The following SGCZ variants were observed in gnomAD, a reference collection of about 807,000 sequenced individuals.
SGCZ encodes sarcoglycan zeta.
SGCZ carries 40 observed loss-of-function variants against 41.3 expected under a neutral mutation model. That is an observed-to-expected ratio of 0.97 (90% CI 0.75 to 1.26). The LOEUF (loss-of-function observed/expected upper bound fraction) is 1.26. SGCZ is among the 50% of genes most tolerant of loss of function. SGCZ has a pLI of 0.00. For missense variants in SGCZ, 552 were observed against 369.8 expected, an observed-to-expected ratio of 1.49 and a Z score of -4.04; for synonymous variants, 206 against 137.5, an observed-to-expected ratio of 1.50 and a Z score of -3.49.
At chr8:15,012,762 T>C (rs1397623933) in intron 1 of SGCZ, among the ~76,000 whole-genome samples, 2 of 148,118 alleles carry the variant, frequency 1.4e-5, no homozygotes, top group African/African-American at 2.5e-5. Flanking sequence ...TATGTTTATA[T>C]ATAAATGTAG....
At chr8:14,687,408 T>C (rs1354837295) in intron 1 of SGCZ, among the ~76,000 whole-genome samples, 9 of 149,186 alleles carry the variant, frequency 6.0e-5, no homozygotes, top group Non-Finnish European at 1.3e-4. Context: ...TGTGTTCTCA[T>C]TGTTCAATTC....
At chr8:14,304,232 C>CA (rs937327643) in intron 3 of SGCZ, among the ~76,000 whole-genome samples, 15 of 151,944 alleles carry the variant, frequency 9.9e-5, no homozygotes, top group African/African-American at 3.6e-4. Flanking sequence ...CGCTTGAGCC[C>CA]AGGAGTTCGA....
At chr8:14,524,093 G>T (rs754148839) in intron 2 of SGCZ, among the ~76,000 whole-genome samples, 15 of 151,950 alleles carry the variant, frequency 9.9e-5, no homozygotes, top group Non-Finnish European at 1.5e-4. Context: ...GGTATCTAGT[G>T]ATTATTTTAC....
At chr8:15,227,034 G>C (rs1347999539) in intron 1 of SGCZ, among the ~76,000 whole-genome samples, 2 of 152,152 alleles carry the variant, frequency 1.3e-5, no homozygotes, top group African/African-American at 4.8e-5. Context: ...GTTAGATCAG[G>C]GTGACTGCAA....
chr8:14,923,922 A>G (rs1486021340), intron 1 of SGCZ, among the ~76,000 whole-genome samples: 11 of 152,204 alleles, frequency 7.2e-5, no homozygotes, highest in Admixed American at 5.2e-4. Context: ...GATTCAACAA[A>G]TACAGAAAGA....
intron 1 of SGCZ, among the ~76,000 whole-genome samples, chr8:14,684,419 G>C (rs1808541895): frequency 6.6e-6 from 1 of 152,074 alleles, no homozygotes; most frequent in Admixed American, 6.6e-5. Flanking sequence ...CAACTTACAG[G>C]AATTTCACTA....
In SGCZ at chr8:14,951,874, C is replaced by G. The variant is rs140845320; in HGVS notation, c.39+285711G>C. 4.3e-4 allele frequency among the ~76,000 whole-genome samples: 65 copies of G among 152,122 alleles called. 1 individual carries two copies. Among genetic ancestry groups the G allele is most frequent in the Admixed American group, 3.0e-3 (46 of 15,262 alleles). On this transcript the variant is annotated intron_variant, in intron 1 of 7. Coordinates refer to ENST00000382080, the MANE Select transcript of SGCZ (RefSeq NM_139167.4). ...TTTATATTAACATTTTCAAATCTGT[C>G]CTAAAAAGGTAACTATTTTATTTCA...
At chr8:14,702,970 T>TAGACAGACAGAC (rs3988432) in intron 1 of SGCZ, among the ~76,000 whole-genome samples, 1 of 129,122 alleles carries the variant, frequency 7.7e-6, no homozygotes, top group Non-Finnish European at 1.7e-5. Context: ...GATAGATAGA[T>TAGACAGACAGAC]AGACAGACAG....
chr8:14,458,468 T>C (rs1800811274), intron 2 of SGCZ, among the ~76,000 whole-genome samples: 1 of 152,248 alleles, frequency 6.6e-6, no homozygotes, highest in Non-Finnish European at 1.5e-5. Flanking sequence ...AGTGAATGTA[T>C]TACAGATAAT....
intron 1 of SGCZ, among the ~76,000 whole-genome samples, chr8:14,582,652 TC>T (rs1804929473): frequency 1.1e-5 from 1 of 94,540 alleles, no homozygotes; most frequent in Non-Finnish European, 2.0e-5. Context: ...ATGCTATCCC[TC>T]CCCCCTCCCC....
chr8:14,361,639 C>T (rs538171525), intron 2 of SGCZ, among the ~76,000 whole-genome samples: 2 of 152,278 alleles, frequency 1.3e-5, no homozygotes, highest in East Asian at 3.9e-4. Context: ...TCCGTTAGCT[C>T]AGAGAAGTTT....
At chr8:14,799,071 T>A (rs1801228675) in intron 1 of SGCZ, among the ~76,000 whole-genome samples, 1 of 151,908 alleles carries the variant, frequency 6.6e-6, no homozygotes, top group South Asian at 2.1e-4. Context: ...AAAAAATTAT[T>A]TTTATGTAAA....
At chr8:14,379,575 C>G (rs916002046) in intron 2 of SGCZ, among the ~76,000 whole-genome samples, 1 of 151,936 alleles carries the variant, frequency 6.6e-6, no homozygotes, top group Non-Finnish European at 1.5e-5. Context: ...TTCATGAAAT[C>G]CACAGAAAAT....
chr8:14,510,312 T>G (rs779474266), intron 2 of SGCZ, among the ~76,000 whole-genome samples: 2 of 152,114 alleles, frequency 1.3e-5, no homozygotes, highest in Non-Finnish European at 2.9e-5. Context: ...TCAAGTTCTG[T>G]TACTAGCTAG....
At chr8:15,124,708 T>G (rs560826823) in intron 1 of SGCZ, among the ~76,000 whole-genome samples, 1 of 152,240 alleles carries the variant, frequency 6.6e-6, no homozygotes, top group Non-Finnish European at 1.5e-5. Context: ...CCTAATTTTT[T>G]AAAATTATTA....
intron 1 of SGCZ, among the ~76,000 whole-genome samples, chr8:14,974,778 T>C (rs10503525): frequency 0.37 from 54,720 of 149,320 alleles, 11,236 homozygotes; most frequent in Non-Finnish European, 0.45. Context: ...GATACTACAA[T>C]GAACAAAGTA....
chr8:14,451,772 G>A (rs2116928130), intron 2 of SGCZ, among the ~76,000 whole-genome samples: 1 of 152,260 alleles, frequency 6.6e-6, no homozygotes, highest in South Asian at 2.1e-4. Context: ...TTAATAAAAT[G>A]CAAATTAAAA....
In SGCZ at chr8:14,320,076, T is replaced by C. The variant is rs376731528; in HGVS notation, c.336+4027A>G. ...TTATTTGTGCAAATATATAATTATA[T>C]ACCGGTGATATGTTCATGAAATGTT... is the stretch of plus-strand genomic sequence containing the variant. On this transcript the variant is annotated intron_variant, in intron 3 of 7. Coordinates refer to ENST00000382080, the MANE Select transcript of SGCZ (RefSeq NM_139167.4). 3.3e-5 allele frequency among the ~76,000 whole-genome samples: 5 copies of C among 152,104 alleles called. 1 individual carries two copies. The highest frequency in any genetic ancestry group is 1.2e-4 in the African/African-American group (5 of 41,540).
intron 1 of SGCZ, among the ~76,000 whole-genome samples, chr8:14,843,972 G>A (rs1296178327): frequency 6.6e-6 from 1 of 151,458 alleles, no homozygotes; most frequent in Non-Finnish European, 1.5e-5. Context: ...ATATCATGGG[G>A]AAGCTATGTT....
Sources: gnomAD v4.1 joint callset for allele counts (sites outside exome capture counted in the v4.1 genomes callset) on GRCh38, gnomAD v4.1.1 for gene constraint, MANE v1.5 for transcripts, NCBI Gene and HGNC (gene_info 2026-07-23, HGNC 2026-07-21) for gene names.